Variants in TMEM132C observed in about 807,000 individuals in gnomAD.
TMEM132C encodes the protein transmembrane protein 132C.
TMEM132C carries 29 observed loss-of-function variants against 61.4 expected under a neutral mutation model. That is an observed-to-expected ratio of 0.47 (90% CI 0.35 to 0.64). The LOEUF is 0.64. TMEM132C is among the 30% of genes least tolerant of loss of function. The pLI is 0.00. For missense variants in TMEM132C, 1,408 were observed against 1,476.9 expected (o/e 0.95, Z 0.76); for synonymous variants, 656 against 633.1 (o/e 1.04, Z -0.54).
Position 128,415,207 on chromosome 12 carries a change from G to A in TMEM132C, c.561G>A (p.Leu187=), listed in dbSNP as rs745423456. Residue 187 remains leucine (L), a synonymous_variant, in exon 2 of 9, where the codon CTG becomes CTA. Transcript: ENST00000435159. The surrounding 1 kb of genome is among the most constrained non-coding windows in gnomAD (Gnocchi z 5.8). ...ETREVRGSCR[L]KGDLGLCVAE... ...GAGAGGTGCGGGGCAGCTGCCGGCT[G>A]AAGGGGGACCTGGGGCTGTGTGTGG... The A allele has an allele frequency of 2.5e-6, 4 of 1,610,760 alleles. No homozygotes were observed. In the South Asian group the frequency reaches 4.4e-5, roughly 18 times the overall value.
intron 1 of TMEM132C, among the ~76,000 whole-genome samples, chr12:128,301,005 C>A (rs1871577573): frequency 6.6e-6 from 1 of 152,164 alleles, no homozygotes; most frequent in Admixed American, 6.5e-5. Flanking sequence ...TTCATCCCTG[C>A]ATGCCAGCCC....
chr12:128,468,189 C>T (rs12306633), intron 2 of TMEM132C, among the ~76,000 whole-genome samples: 11,034 of 152,126 alleles, frequency 0.073, 1,339 homozygotes, highest in African/African-American at 0.25. Flanking sequence ...ACACCAACCC[C>T]GGGGTGACAA....
intron 2 of TMEM132C, among the ~76,000 whole-genome samples, chr12:128,463,851 G>A (rs1351565440): frequency 6.6e-6 from 1 of 152,116 alleles, no homozygotes; most frequent in Non-Finnish European, 1.5e-5. Context: ...CTAGGGAGTG[G>A]GCAAACTCCA....
chr12:128,666,041 TCATACA>T (rs1292645806), intron 4 of TMEM132C, among the ~76,000 whole-genome samples: 1 of 56,648 alleles, frequency 1.8e-5, no homozygotes, highest in Non-Finnish European at 3.2e-5. Context: ...TCACAGGCAC[TCATACA>T]CAAACACAGG....
Position 128,415,136 on chromosome 12 carries a change from G to C in TMEM132C, c.490G>C (p.Gly164Arg), listed in dbSNP as rs745749110. ...CAGAGACTGGGATGACCACGGCGCCGGGGAGAAGCTGCCATGCCTGAGGGT... is the reference window on the plus strand; with the variant it reads ...CAGAGACTGGGATGACCACGGCGCCCGGGAGAAGCTGCCATGCCTGAGGGT... ...MGRDWDDHGAGEKLPCLRVFA... is the reference protein window; with the variant it reads ...MGRDWDDHGAREKLPCLRVFA... The change falls in exon 2 of 9, where the codon GGG (glycine) becomes CGG (arginine). Residue 164 changes from glycine (G) to arginine (R), a missense_variant. Physicochemically the swap from Gly to Arg is moderately radical, Grantham distance 125 (BLOSUM62 -2). Coordinates refer to ENST00000435159, the MANE Select transcript of TMEM132C (RefSeq NM_001136103.3). The surrounding 1 kb of genome is among the most constrained non-coding windows in gnomAD (Gnocchi z 5.8). The C allele has an allele frequency of 3.7e-6, 6 of 1,609,762 alleles. No homozygotes were observed. In the Admixed American group the frequency reaches 6.7e-5, roughly 18 times the overall value.
At chr12:128,599,020 G>T (rs1212922365) in intron 3 of TMEM132C, among the ~76,000 whole-genome samples, 2 of 151,806 alleles carry the variant, frequency 1.3e-5, no homozygotes, top group Non-Finnish European at 2.9e-5. Flanking sequence ...GGCCCTGGTG[G>T]GCAGTTGACA....
intron 3 of TMEM132C, among the ~76,000 whole-genome samples, chr12:128,583,318 C>CAAAG (rs1875415173): frequency 6.7e-6 from 1 of 148,988 alleles, no homozygotes; most frequent in Non-Finnish European, 1.5e-5. Flanking sequence ...TTTGAAAATG[C>CAAAG]AAAGGCATGC....
chr12:128,516,736 A>T (rs1186859806), intron 2 of TMEM132C, among the ~76,000 whole-genome samples: 1 of 151,948 alleles, frequency 6.6e-6, no homozygotes. Context: ...ACATAGCAAG[A>T]CTCCACCTCT....
chr12:128,585,894 G>A (rs2135562675), intron 3 of TMEM132C, among the ~76,000 whole-genome samples: 1 of 152,284 alleles, frequency 6.6e-6, no homozygotes, highest in African/African-American at 2.4e-5. Context: ...GGGATGAGGG[G>A]GAAGTGGGGA....
At chr12:128,673,566 C>T (rs1954555365) in intron 5 of TMEM132C, among the ~76,000 whole-genome samples, 1 of 148,746 alleles carries the variant, frequency 6.7e-6, no homozygotes, top group Non-Finnish European at 1.5e-5. Flanking sequence ...CACTGTCTGT[C>T]TTCCAAGACT....
chr12:128,581,141 C>T (rs1875318726), intron 3 of TMEM132C, among the ~76,000 whole-genome samples: 1 of 152,220 alleles, frequency 6.6e-6, no homozygotes, highest in Middle Eastern at 3.4e-3. Context: ...GAAGTTTGCA[C>T]CAGATCAGGG....
At chr12:128,366,867 T>C (rs1270665468) in intron 1 of TMEM132C, among the ~76,000 whole-genome samples, 1 of 152,174 alleles carries the variant, frequency 6.6e-6, no homozygotes, top group Non-Finnish European at 1.5e-5. Context: ...GGGTCCTACA[T>C]GACATTCCTG....
intron 1 of TMEM132C, among the ~76,000 whole-genome samples, chr12:128,353,580 T>TC (rs1873407248): frequency 6.6e-6 from 1 of 152,140 alleles, no homozygotes; most frequent in Admixed American, 6.5e-5. Flanking sequence ...TTTGCGCAGC[T>TC]CCTCCCCTCC....
chr12:128,494,780 C>A (rs912700892), intron 2 of TMEM132C, among the ~76,000 whole-genome samples: 3 of 151,890 alleles, frequency 2.0e-5, no homozygotes, highest in African/African-American at 7.3e-5. Context: ...TTTTGTTGAT[C>A]TTTTCAAAAA....
At chr12:128,357,425 G>C (rs989137252) in intron 1 of TMEM132C, among the ~76,000 whole-genome samples, 1 of 152,160 alleles carries the variant, frequency 6.6e-6, no homozygotes. Context: ...GGCCGGGCAC[G>C]GTGGCTCATG....
rs560988961 is a variant in TMEM132C at position 128,707,028 on chromosome 12, T to C, written c.*733T>C. ...CTAGGAACAATGCCAATTAATCCATTGTTTAAGTAGTAACTTGAATGTTTT... is the reference window on the plus strand; with the variant it reads ...CTAGGAACAATGCCAATTAATCCATCGTTTAAGTAGTAACTTGAATGTTTT... On this transcript the variant is annotated 3_prime_UTR_variant, in exon 9 of 9. Transcript: ENST00000435159. The C allele has an allele frequency of 6.6e-6, 1 of 152,362 alleles. No homozygotes were observed. Among genetic ancestry groups the C allele is most frequent in the African/African-American group, 2.4e-5 (1 of 41,598 alleles). 9.4% of individuals were successfully genotyped at this position (152,362 alleles called of 1,614,324 possible). A position where few individuals can be genotyped will look rare whatever the true frequency, so the allele number is the denominator to read the frequency against.
intron 2 of TMEM132C, among the ~76,000 whole-genome samples, chr12:128,489,582 T>TATATATATATATATTC (rs1565951312): frequency 6.7e-6 from 1 of 149,856 alleles, no homozygotes; most frequent in Non-Finnish European, 1.5e-5. Flanking sequence ...TATATATATA[T>TATATATATATATATTC]TCTGTCCACA....
intron 2 of TMEM132C, among the ~76,000 whole-genome samples, chr12:128,533,948 TACAC>T (rs55794743): frequency 0.13 from 19,147 of 145,662 alleles, 1,364 homozygotes; most frequent in Non-Finnish European, 0.16. Flanking sequence ...CATGCGCACA[TACAC>T]ACACACACAC....
chr12:128,268,233 C>T (rs183722992), intron 1 of TMEM132C, among the ~76,000 whole-genome samples: 90 of 152,332 alleles, frequency 5.9e-4, no homozygotes, highest in Non-Finnish European at 1.0e-3. Context: ...GAGTGACGGC[C>T]CTGCTTTGGG....
Sources: gnomAD v4.1 joint callset for allele counts (sites outside exome capture counted in the v4.1 genomes callset) on GRCh38, gnomAD v4.1.1 for gene constraint, Gnocchi (gnomAD v3.1) non-coding constraint, MANE v1.5 for transcripts, NCBI Gene and HGNC (gene_info 2026-07-23, HGNC 2026-07-21) for gene names.